Variants in CADPS2 observed in about 807,000 individuals in gnomAD.
CADPS2 encodes calcium-dependent secretion activator 2.
Under a neutral mutation model 172.5 loss-of-function variants are expected in CADPS2, and 93 were observed. That is an observed-to-expected ratio of 0.54 (90% CI 0.46 to 0.64). The LOEUF is 0.64. Among genes scored for constraint, CADPS2 ranks in the 30% least tolerant of loss-of-function variants. CADPS2 has a pLI of 0.00. For missense variants in CADPS2, 1,420 were observed against 1,565.9 expected, an observed-to-expected ratio of 0.91 and a Z score of 1.57; for synonymous variants, 546 against 555.2, an observed-to-expected ratio of 0.98 and a Z score of 0.23.
intron 6 of CADPS2, among the ~76,000 whole-genome samples, chr7:122,587,785 C>A (rs1460729504): frequency 6.6e-6 from 1 of 152,110 alleles, no homozygotes; most frequent in Non-Finnish European, 1.5e-5. Flanking sequence ...TGAGGAATCG[C>A]CACATCATCT....
intron 2 of CADPS2, among the ~76,000 whole-genome samples, chr7:122,697,378 TAA>T (rs972314747): frequency 2.6e-5 from 4 of 152,256 alleles, no homozygotes; most frequent in African/African-American, 9.6e-5. Context: ...TCCTAGCACA[TAA>T]AAGATAATTT....
At chr7:122,469,227 A>G (rs1220391398) in intron 14 of CADPS2, among the ~76,000 whole-genome samples, 3 of 152,164 alleles carry the variant, frequency 2.0e-5, no homozygotes, top group Admixed American at 6.5e-5. Flanking sequence ...TCAAACACAT[A>G]TATTTTGGGG....
intron 8 of CADPS2, among the ~76,000 whole-genome samples, chr7:122,544,433 A>C (rs1023328257): frequency 2.0e-5 from 3 of 152,176 alleles, no homozygotes; most frequent in Non-Finnish European, 4.4e-5. Flanking sequence ...TCGTGACTTA[A>C]AACGACAACG....
intron 2 of CADPS2, among the ~76,000 whole-genome samples, chr7:122,727,484 C>A (rs1468123907): frequency 1.3e-5 from 2 of 151,380 alleles, no homozygotes. Flanking sequence ...AATATACAAG[C>A]AGAAGAAAAG....
intron 1 of CADPS2, among the ~76,000 whole-genome samples, chr7:122,879,459 C>T (rs1822270672): frequency 6.6e-6 from 1 of 151,482 alleles, no homozygotes; most frequent in African/African-American, 2.4e-5. Context: ...TCACTTGAAC[C>T]AGGAGGCAGA....
At position 122,471,392 on chromosome 7, in the gene CADPS2, A is replaced by T. The variant is rs748895448; in HGVS notation, c.2169T>A (p.Ser723=). ...AAAAATACCTGTTGCCGTGCACATG[A>T]GAGGCACAGAATGCAAAGCTGTAAT... ...LLHYSFAFCA[S]HVHGNRPDGI... Residue 723 remains serine (S), a synonymous_variant, in exon 14 of 30, where the codon TCT becomes TCA. Coordinates refer to ENST00000449022, the MANE Select transcript of CADPS2 (RefSeq NM_017954.11). 5.0e-6 allele frequency: 8 copies of T among 1,612,798 alleles called. No homozygotes were observed. The highest frequency in any genetic ancestry group is 1.7e-5 in the Admixed American group (1 of 59,828).
At chr7:122,589,929 T>C (rs942992661) in intron 6 of CADPS2, among the ~76,000 whole-genome samples, 2 of 151,882 alleles carry the variant, frequency 1.3e-5, no homozygotes, top group African/African-American at 4.8e-5. Flanking sequence ...TGCAGTAAAA[T>C]GTAATCATCT....
chr7:122,761,068 A>C (rs183600745), intron 1 of CADPS2, among the ~76,000 whole-genome samples: 7 of 152,266 alleles, frequency 4.6e-5, no homozygotes, highest in African/African-American at 9.6e-5. Context: ...TTGTTGAAAA[A>C]TTATCATGAA....
intron 6 of CADPS2, among the ~76,000 whole-genome samples, chr7:122,609,077 C>T (rs1034666086): frequency 6.6e-5 from 10 of 151,944 alleles, no homozygotes; most frequent in Non-Finnish European, 1.2e-4. Context: ...AATGTTTTTC[C>T]CTATTTGTTT....
At chr7:122,488,440 A>G (rs2058030926) in intron 11 of CADPS2, among the ~76,000 whole-genome samples, 1 of 152,234 alleles carries the variant, frequency 6.6e-6, no homozygotes, top group African/African-American at 2.4e-5. Flanking sequence ...ACAAGTTACT[A>G]TGTACCACTG....
intron 1 of CADPS2, among the ~76,000 whole-genome samples, chr7:122,800,498 A>G (rs1362444700): frequency 6.6e-6 from 1 of 152,200 alleles, no homozygotes; most frequent in African/African-American, 2.4e-5. Flanking sequence ...GATCTTCTTA[A>G]AATTGAGATT....
intron 8 of CADPS2, among the ~76,000 whole-genome samples, chr7:122,533,767 T>G (rs889887437): frequency 5.9e-5 from 9 of 152,136 alleles, no homozygotes; most frequent in South Asian, 2.1e-4. Context: ...AATCAAAAAT[T>G]ATGGCTGGAA....
chr7:122,351,372 CAAAAAAAAAAAAAAAAA>C (rs398048049), intron 27 of CADPS2, among the ~76,000 whole-genome samples: 12 of 28,918 alleles, frequency 4.1e-4, no homozygotes, highest in Admixed American at 6.8e-4. Flanking sequence ...GACTCCGTCT[CAAAAAAAAAAAAAAAAA>C]AAAAAAAAAA....
At chr7:122,348,535 G>T (rs556871256) in intron 27 of CADPS2, among the ~76,000 whole-genome samples, 2 of 152,136 alleles carry the variant, frequency 1.3e-5, no homozygotes, top group South Asian at 4.1e-4. Context: ...TAAAAAAATT[G>T]CATTTTCTTC....
chr7:122,603,744 AC>A (rs2073113273), intron 6 of CADPS2, among the ~76,000 whole-genome samples: 1 of 152,130 alleles, frequency 6.6e-6, no homozygotes. Flanking sequence ...ATAAATACCC[AC>A]TATAATCCCC....
intron 17 of CADPS2, among the ~76,000 whole-genome samples, chr7:122,431,042 C>G (rs750755355): frequency 6.6e-6 from 1 of 152,188 alleles, no homozygotes; most frequent in African/African-American, 2.4e-5. Context: ...GTGCTTCCCC[C>G]ACTTCTTCCT....
chr7:122,879,935 G>A (rs1822417028), intron 1 of CADPS2, among the ~76,000 whole-genome samples: 1 of 152,138 alleles, frequency 6.6e-6, no homozygotes, highest in South Asian at 2.1e-4. Flanking sequence ...TTTGGACATA[G>A]CAGAACTTAA....
chr7:122,549,620 T>TA (rs34608490), intron 8 of CADPS2, among the ~76,000 whole-genome samples: 18,431 of 147,148 alleles, frequency 0.13, 1,263 homozygotes, highest in African/African-American at 0.18. Flanking sequence ...GACTCTGTCT[T>TA]AAAAAAAAAA....
chr7:122,337,138 G>A (rs1194186511), intron 28 of CADPS2, among the ~76,000 whole-genome samples: 4 of 152,088 alleles, frequency 2.6e-5, no homozygotes, highest in African/African-American at 4.8e-5. Flanking sequence ...CCCAAGCTGC[G>A]GTAAGTAGTG....
Sources: gnomAD v4.1 joint callset for allele counts (sites outside exome capture counted in the v4.1 genomes callset) on GRCh38, gnomAD v4.1.1 for gene constraint, MANE v1.5 for transcripts, NCBI Gene and HGNC (gene_info 2026-07-23, HGNC 2026-07-21) for gene names.